PNPO: variants seen among roughly 807,000 people sequenced by gnomAD.
PNPO encodes pyridoxine-5'-phosphate oxidase.
Under a neutral mutation model 35.0 loss-of-function variants are expected in PNPO, and 39 were observed. That is an observed-to-expected ratio of 1.11 (90% CI 0.86 to 1.45). The LOEUF (loss-of-function observed/expected upper bound fraction) is 1.45. Ranked by LOEUF, PNPO falls within the 40% of genes most tolerant of loss-of-function variation. The probability of loss-of-function intolerance (pLI) is 0.00; values close to 1 mark genes in which losing one functional copy is unlikely to be tolerated. For synonymous variants in PNPO, 115 were observed against 119.8 expected, an observed-to-expected ratio of 0.96 and a Z score of 0.26; for missense variants, 288 against 340.0, an observed-to-expected ratio of 0.85 and a Z score of 1.20.
At chr17:47,944,798 ACC>A in intron 3 of PNPO, 83 bp downstream of exon 3, 2 of 1,034,306 alleles carry the variant, frequency 1.9e-6, no homozygotes, top group Non-Finnish European at 3.0e-6. Context: ...ATGCCACCCC[ACC>A]CCCCCAGTCT....
chr17:47,941,802 G>C lies in PNPO; in HGVS notation c.127G>C (p.Gly43Arg), dbSNP rs867426939. 7 of 1,568,326 alleles carry C rather than the reference G, an allele frequency of 4.5e-6. No homozygotes were observed. The highest frequency in any genetic ancestry group is 5.2e-6 in the Non-Finnish European group (6 of 1,155,796). Reference sequence around the variant, plus strand: ...GGGACCCATGCGCAAGAGTTACCGCGGGGACCGAGAGGTGCCGCCGCTAGG... The same window carrying C: ...GGGACCCATGCGCAAGAGTTACCGCCGGGACCGAGAGGTGCCGCCGCTAGG... ...DLGPMRKSYR[G>R]DREAFEETHL... is the part of the protein sequence containing the mutation. The change falls in exon 1 of 7, where the codon GGG becomes CGG. Residue 43 changes from glycine (G) to arginine (R), a missense_variant. Physicochemically the swap from Gly to Arg is moderately radical, Grantham distance 125. Transcript: ENST00000642017.
chr17:47,941,644 C>T lies in PNPO; in HGVS notation c.-32C>T. Reference sequence around the variant, plus strand: ...GAACTCAAAGGAACCCAGTGCCGGGCCACAGCCGGGTCACGTGGCCGGCGG... The same window carrying T: ...GAACTCAAAGGAACCCAGTGCCGGGTCACAGCCGGGTCACGTGGCCGGCGG... On this transcript the variant is annotated 5_prime_UTR_variant, in exon 1 of 7. Transcript: ENST00000642017. 2 of 1,514,022 alleles carry T rather than the reference C, an allele frequency of 1.3e-6. No homozygotes were observed. Among genetic ancestry groups the T allele is most frequent in the Non-Finnish European group, 1.8e-6 (2 of 1,123,132 alleles). 93.8% of individuals were successfully genotyped at this position (1,514,022 alleles called of 1,614,324 possible). A position where few individuals can be genotyped will look rare whatever the true frequency, so the allele number is the denominator to read the frequency against.
intron 1 of PNPO, 63 bp from the exon 2 acceptor site, chr17:47,943,243 C>A (rs2035965612): frequency 3.7e-6 from 5 of 1,353,132 alleles, no homozygotes; most frequent in Non-Finnish European, 5.2e-6. Context: ...GTGACTAGAA[C>A]AGTGCCAGGT....
rs2035936090 is a variant in PNPO, at chr17:47,941,680, C to T, written c.5C>T (p.Thr2Met). M[T>M]CWLRGVTATF... ...TCACGTGGCCGGCGGCCCCCCATGA[C>T]GTGCTGGCTGCGGGGCGTCACGGCG... The change falls in exon 1 of 7, where the codon ACG becomes ATG. Residue 2 changes from threonine (T) to methionine (M), a missense_variant. Physicochemically the swap from Thr to Met is moderately conservative, Grantham distance 81. Transcript: ENST00000642017. The T allele has an allele frequency of 6.5e-7, 1 of 1,535,672 alleles. No homozygotes were observed. The highest frequency in any genetic ancestry group is 8.8e-7 in the Non-Finnish European group (1 of 1,136,944).
Position 47,945,587 on chromosome 17 carries a change from TCTA to T in PNPO, c.395_397del (p.Tyr132del), listed in dbSNP as rs1446937797. 2 of 1,613,566 alleles carry T rather than the reference TCTA, an allele frequency of 1.2e-6. No homozygotes were observed. Among genetic ancestry groups the T allele is most frequent in the Non-Finnish European group, 1.7e-6 (2 of 1,179,568 alleles). ...TCTAATCCCTTTGCTTCCCTTGTCT[TCTA>T]CTGGGAGCCACTTAACCGTCAGGTG... On this transcript the variant is annotated inframe_deletion, in exon 4 of 7. Coordinates refer to ENST00000642017, the MANE Select transcript of PNPO (RefSeq NM_018129.4). The surrounding 1 kb of genome is among the most constrained non-coding windows in gnomAD (Gnocchi z 4.0).
chr17:47,944,379 G>C (rs950443699), intron 2 of PNPO, among the ~76,000 whole-genome samples: 1 of 152,020 alleles, frequency 6.6e-6, no homozygotes, highest in Non-Finnish European at 1.5e-5. Context: ...AGTCACATTG[G>C]GGTTTAAGGC....
chr17:47,943,888 T>C (rs77868077), intron 2 of PNPO, among the ~76,000 whole-genome samples: 3,138 of 152,320 alleles, frequency 0.021, 108 homozygotes, highest in African/African-American at 0.071. Context: ...TTGTAGCCAG[T>C]GCTCTTGTAC....
intron 1 of PNPO, chr17:47,942,107 C>T (rs1477175558): frequency 2.0e-6 from 2 of 1,005,886 alleles, no homozygotes; most frequent in Non-Finnish European, 2.5e-6. Context: ...GTATCTGGGC[C>T]TCAGTTTCCT....
Position 47,945,766 on chromosome 17 carries a change from TG to T in PNPO, c.418-91del. On this transcript the variant is annotated intron_variant, in intron 4 of 6. Transcript: ENST00000642017. The surrounding 1 kb of genome is among the most constrained non-coding windows in gnomAD (Gnocchi z 4.0). ...CTCAGTTAGTTGGAGCCAAGAGTGGTGGGGCAGCCGATCGAACAGAGAGGAA... is the reference window on the plus strand; with the variant it reads ...CTCAGTTAGTTGGAGCCAAGAGTGGTGGGCAGCCGATCGAACAGAGAGGAA... 1 of 1,529,068 alleles carries T rather than the reference TG, an allele frequency of 6.5e-7. No individual in the cohort carries two copies. The highest frequency in any genetic ancestry group is 9.0e-7 in the Non-Finnish European group (1 of 1,114,714). 94.7% of individuals were successfully genotyped at this position (1,529,068 alleles called of 1,614,324 possible). A position where few individuals can be genotyped will look rare whatever the true frequency, so the allele number is the denominator to read the frequency against.
intron 6 of PNPO, 26 bp downstream of exon 6, chr17:47,946,419 GA>G: frequency 1.3e-6 from 2 of 1,565,060 alleles, no homozygotes; most frequent in Non-Finnish European, 8.8e-7. Flanking sequence ...TAGTCCTCTA[GA>G]AAGGGACACC....
Position 47,945,488 on chromosome 17 carries a change from CT to C in PNPO, c.364-67del. On this transcript the variant is annotated intron_variant, in intron 3 of 6. Transcript: ENST00000642017. The surrounding 1 kb of genome is among the most constrained non-coding windows in gnomAD (Gnocchi z 4.0). Reference sequence around the variant, plus strand: ...GGCCTGCGCACTACAGCTCTCCTGCCTTTTCCCTGCATGCCGGAGGCCTCCT... The same window carrying C: ...GGCCTGCGCACTACAGCTCTCCTGCCTTTCCCTGCATGCCGGAGGCCTCCT... 2.4e-6 allele frequency: 3 copies of C among 1,239,270 alleles called. No homozygotes were observed. Among genetic ancestry groups the C allele is most frequent in the Non-Finnish European group, 3.6e-6 (3 of 838,322 alleles). The allele number at this position is 1,239,270 out of a possible 1,614,324, so 76.8% of individuals were successfully genotyped here.
intron 1 of PNPO, among the ~76,000 whole-genome samples, chr17:47,942,593 C>T (rs1372822807): frequency 6.6e-6 from 1 of 152,186 alleles, no homozygotes; most frequent in Non-Finnish European, 1.5e-5. Context: ...CTGCTGACCA[C>T]TGGGAAGTTC....
chr17:47,946,233 C>A, intron 5 of PNPO, 90 bp from the exon 6 acceptor site: 1 of 1,126,934 alleles, frequency 8.9e-7, no homozygotes, highest in Non-Finnish European at 1.4e-6. Flanking sequence ...GCTCTGCTCA[C>A]CCATGTCCCC....
chr17:47,946,003 C>T lies in PNPO; in HGVS notation c.546+14C>T, dbSNP rs749039836. On this transcript the variant is annotated intron_variant, in intron 5 of 6. Transcript: ENST00000642017. ...CCTGATCGGGAGGTGAGTGGAGCTC[C>T]GCTGTAGTCCTCCAGGTGGTGGAGG... 3.2e-5 allele frequency: 52 copies of T among 1,613,290 alleles called. No individual in the cohort carries two copies. The East Asian group carries it at 4.2e-4, about 13-fold the overall frequency.
At chr17:47,944,397 T>C (rs984445080) in intron 2 of PNPO, among the ~76,000 whole-genome samples, 9 of 152,054 alleles carry the variant, frequency 5.9e-5, no homozygotes, top group Non-Finnish European at 1.2e-4. Flanking sequence ...GGCTTTAACA[T>C]AGGGGTTTGG....
chr17:47,946,122 G>A, intron 5 of PNPO, 133 bp downstream of exon 5: 1 of 1,295,440 alleles, frequency 7.7e-7, no homozygotes, highest in South Asian at 1.2e-5. Context: ...ACAGTGAAAA[G>A]GACAGTGAGA....
chr17:47,944,699 G>A lies in PNPO; in HGVS notation c.347G>A (p.Arg116Gln), dbSNP rs17679445. 101,691 of 1,612,942 alleles carry A rather than the reference G, an allele frequency of 0.063. 3,593 individuals are homozygous for A. The highest frequency in any genetic ancestry group is 0.074 in the Middle Eastern group (446 of 6,048). The change falls in exon 3 of 7, where the codon CGA becomes CAA. Residue 116 changes from arginine to glutamine, a missense_variant. Coordinates refer to ENST00000642017, the MANE Select transcript of PNPO (RefSeq NM_018129.4). ...GFRFFTNFESRKGKELDSNPF... is the reference protein window; with the variant it reads ...GFRFFTNFESQKGKELDSNPF... The stretch of plus-strand genomic sequence containing the variant: ...CGCTTCTTCACTAACTTCGAGAGTC[G>A]AAAAGGAAAAGAGCTGGTGGGTGAA...
At position 47,945,077 on chromosome 17, in the gene PNPO, G is replaced by A. The variant is rs1598198731; in HGVS notation, c.363+362G>A. The A allele has an allele frequency of 7.6e-6, 3 of 394,130 alleles. No individual in the cohort carries two copies. Among genetic ancestry groups the A allele is most frequent in the East Asian group, 1.2e-4 (2 of 16,516 alleles). The allele number at this position is 394,130 out of a possible 1,614,324, so 24.4% of individuals were successfully genotyped here. On this transcript the variant is annotated intron_variant, in intron 3 of 6. Coordinates refer to ENST00000642017, the MANE Select transcript of PNPO (RefSeq NM_018129.4). The surrounding 1 kb of genome is among the most constrained non-coding windows in gnomAD (Gnocchi z 4.0). ...TCAGTTTGTAACTGAGCATTTGTTT[G>A]GGTGATTATGTAACTGATATTTGTC...
In PNPO at chr17:47,945,196, TGG is replaced by T. The variant is rs762530435; in HGVS notation, c.364-361_364-360del. On this transcript the variant is annotated intron_variant, in intron 3 of 6. Coordinates refer to ENST00000642017, the MANE Select transcript of PNPO (RefSeq NM_018129.4). This position sits in a 1 kb window ranked among gnomAD's most constrained non-coding sequence, Gnocchi z 4.0. ...ACGTCTCCTGTTGTCAGACCCAGAG[TGG>T]GCACTTCGCGTGCATTCAATGAATG... is the stretch of plus-strand genomic sequence containing the variant. 342 of 388,504 alleles carry T rather than the reference TGG, an allele frequency of 8.8e-4. 1 individual carries two copies. The highest frequency in any genetic ancestry group is 2.0e-3 in the Admixed American group (54 of 26,690). The allele number at this position is 388,504 out of a possible 1,614,324, so 24.1% of individuals were successfully genotyped here. A position where few individuals can be genotyped will look rare whatever the true frequency, so the allele number is the denominator to read the frequency against.
Sources: allele counts gnomAD v4.1 joint callset (sites outside exome capture counted in the v4.1 genomes callset), GRCh38; gene constraint gnomAD v4.1.1; non-coding constraint Gnocchi (gnomAD v3.1); transcripts MANE v1.5; gene names NCBI Gene and HGNC (gene_info 2026-07-23, HGNC 2026-07-21).